Variants in AGAP1 observed in about 807,000 individuals in gnomAD.
The protein encoded by AGAP1 is arf-GAP with GTPase, ANK repeat and PH domain-containing protein 1.
In AGAP1, 29 loss-of-function variants were observed where a neutral mutation model predicts 105.3. That is an observed-to-expected ratio of 0.28 (90% CI 0.21 to 0.38). The LOEUF is 0.38. AGAP1 is among the 10% of genes least tolerant of loss of function. The pLI, the probability that AGAP1 is intolerant of heterozygous loss-of-function variation, is 1.00. For synonymous variants in AGAP1, 509 were observed against 485.9 expected (o/e 1.05, Z -0.63); for missense variants, 998 against 1,165.1 (o/e 0.86, Z 2.09).
At chr2:235,511,995 AATGC>A (rs1408261527) in intron 1 of AGAP1, among the ~76,000 whole-genome samples, 86 of 77,028 alleles carry the variant, frequency 1.1e-3, no homozygotes, top group African/African-American at 6.3e-3. Flanking sequence ...TGCGTGTGTG[AATGC>A]GTGTGTGACT....
At position 235,877,898 on chromosome 2, in the gene AGAP1, T is replaced by C. The variant is rs2049822135; in HGVS notation, c.1051-5447T>C. 6.6e-6 allele frequency among the ~76,000 whole-genome samples: 1 copy of C among 152,158 alleles called. No homozygotes were observed. Among genetic ancestry groups the C allele is most frequent in the Non-Finnish European group, 1.5e-5 (1 of 68,024 alleles). On this transcript the variant is annotated intron_variant, in intron 9 of 17. Coordinates refer to ENST00000304032, the MANE Select transcript of AGAP1 (RefSeq NM_001037131.3). The surrounding 1 kb of genome is among the most constrained non-coding windows in gnomAD (Gnocchi z 4.3). ...TCTTTTGCCAACTTAAAATTTGTCC[T>C]CGCCAGGGGAATCTTTCCTAATGCA... is the stretch of plus-strand genomic sequence containing the variant.
chr2:235,809,272 C>G (rs1462029899), intron 9 of AGAP1, among the ~76,000 whole-genome samples: 1 of 152,160 alleles, frequency 6.6e-6, no homozygotes, highest in Non-Finnish European at 1.5e-5. Context: ...AACTGACCAT[C>G]AAGCGTAAAA....
Position 235,601,025 on chromosome 2 carries a change from A to G in AGAP1, c.163+106176A>G, listed in dbSNP as rs888911691. Among the ~76,000 whole-genome samples the G allele has an allele frequency of 1.3e-5, 2 of 152,130 alleles. No individual in the cohort carries two copies. The highest frequency in any genetic ancestry group is 2.4e-5 in the African/African-American group (1 of 41,418). On this transcript the variant is annotated intron_variant, in intron 1 of 17. Transcript: ENST00000304032. This position sits in a 1 kb window ranked among gnomAD's most constrained non-coding sequence, Gnocchi z 4.4. The stretch of plus-strand genomic sequence containing the variant: ...CGCCTCTCCTCTTCTCACTGCCTTC[A>G]GTATCCAGCCAAGCTGGGAAACGCC...
intron 6 of AGAP1, among the ~76,000 whole-genome samples, chr2:235,761,676 C>T (rs1954450718): frequency 1.3e-5 from 2 of 152,118 alleles, no homozygotes; most frequent in African/African-American, 4.8e-5. Flanking sequence ...ACTTTTTGAC[C>T]TAGTTAACCC....
chr2:235,720,226 G>C lies in AGAP1; in HGVS notation c.310+2582G>C, dbSNP rs1951312006. 6.6e-6 allele frequency among the ~76,000 whole-genome samples: 1 copy of C among 152,222 alleles called. No homozygotes were observed. The highest frequency in any genetic ancestry group is 2.1e-4 in the South Asian group (1 of 4,830). ...TGCTCAGGGAGCCTGTACCTGGAAA[G>C]TGATTTCAATTTTTGTCCAGTGAGT... is the stretch of plus-strand genomic sequence containing the variant. On this transcript the variant is annotated intron_variant, in intron 3 of 17. Transcript: ENST00000304032. The surrounding 1 kb of genome is among the most constrained non-coding windows in gnomAD (Gnocchi z 5.0).
At chr2:235,822,958 T>C (rs1958878946) in intron 9 of AGAP1, among the ~76,000 whole-genome samples, 1 of 152,184 alleles carries the variant, frequency 6.6e-6, no homozygotes. Context: ...CAGATGCAAT[T>C]CAAGTGCTAC....
Position 235,888,764 on chromosome 2 carries a change from G to A in AGAP1, c.1155+5315G>A, listed in dbSNP as rs1020087000. ...AGCATTTGTTGCTGTCGGGTAGAGC[G>A]GCCACCCACTGCCCCAGCCTTCCCT... On this transcript the variant is annotated intron_variant, in intron 10 of 17. Transcript: ENST00000304032. This position sits in a 1 kb window ranked among gnomAD's most constrained non-coding sequence, Gnocchi z 4.8. Among the ~76,000 whole-genome samples, 9 of 151,774 alleles carry A rather than the reference G, an allele frequency of 5.9e-5. No homozygotes were observed. Among genetic ancestry groups the A allele is most frequent in the African/African-American group, 1.2e-4 (5 of 41,288 alleles).
intron 1 of AGAP1, among the ~76,000 whole-genome samples, chr2:235,671,433 G>C (rs1948420086): frequency 6.6e-6 from 1 of 152,206 alleles, no homozygotes; most frequent in Non-Finnish European, 1.5e-5. Flanking sequence ...AGGCTCGCCG[G>C]TCGCCGCCGC....
intron 9 of AGAP1, among the ~76,000 whole-genome samples, chr2:235,851,267 C>T (rs1033299175): frequency 2.0e-5 from 3 of 152,212 alleles, no homozygotes; most frequent in African/African-American, 7.2e-5. Flanking sequence ...CCTGGCGCTC[C>T]TGCTGCTCGG....
intron 12 of AGAP1, among the ~76,000 whole-genome samples, chr2:235,950,012 A>G (rs2053667008): frequency 6.6e-6 from 1 of 151,972 alleles, no homozygotes; most frequent in Admixed American, 6.5e-5. Context: ...GACACCAAAA[A>G]TAGCAATGAA....
In AGAP1 at chr2:235,662,431, G is replaced by A. The variant is rs1947988519; in HGVS notation, c.164-46748G>A. On this transcript the variant is annotated intron_variant, in intron 1 of 17. Coordinates refer to ENST00000304032, the MANE Select transcript of AGAP1 (RefSeq NM_001037131.3). The surrounding 1 kb of genome is among the most constrained non-coding windows in gnomAD (Gnocchi z 4.2). ...TCCATGGAGGGGAGGACTCACAGCA[G>A]TTTTGAAGTAATGTAGATTGTGTGG... Among the ~76,000 whole-genome samples, 1 of 151,936 alleles carries A rather than the reference G, an allele frequency of 6.6e-6. No homozygotes were observed.
At chr2:235,544,235 C>A (rs1173437230) in intron 1 of AGAP1, among the ~76,000 whole-genome samples, 2 of 152,192 alleles carry the variant, frequency 1.3e-5, no homozygotes, top group Admixed American at 1.3e-4. Context: ...CTCTTCCTGT[C>A]CAGTGGTCCA....
chr2:235,543,883 G>C (rs955255165), intron 1 of AGAP1, among the ~76,000 whole-genome samples: 1 of 152,164 alleles, frequency 6.6e-6, no homozygotes, highest in South Asian at 2.1e-4. Context: ...GCATAGACCT[G>C]TCAGGGAATC....
chr2:235,498,208 G>C (rs1393222843), intron 1 of AGAP1, among the ~76,000 whole-genome samples: 1 of 152,224 alleles, frequency 6.6e-6, no homozygotes, highest in East Asian at 1.9e-4. Flanking sequence ...ATGGGATACA[G>C]GTGATTTTGC....
intron 9 of AGAP1, among the ~76,000 whole-genome samples, chr2:235,816,503 G>A (rs1958468066): frequency 1.3e-5 from 2 of 151,116 alleles, no homozygotes; most frequent in African/African-American, 4.9e-5. Context: ...AGACTTAGGA[G>A]GCCTTTCACC....
intron 1 of AGAP1, among the ~76,000 whole-genome samples, chr2:235,646,270 CAAAA>C (rs3056061): frequency 1.8e-5 from 2 of 112,986 alleles, no homozygotes; most frequent in African/African-American, 3.6e-5. Flanking sequence ...ACTCTGTCTC[CAAAA>C]AAAAAAAAAA....
At chr2:235,685,937 CCACT>C (rs999842514) in intron 1 of AGAP1, among the ~76,000 whole-genome samples, 3 of 152,090 alleles carry the variant, frequency 2.0e-5, no homozygotes, top group African/African-American at 7.2e-5. Context: ...AAAGGCAGGA[CCACT>C]CAAAGTGGGG....
intron 13 of AGAP1, among the ~76,000 whole-genome samples, chr2:236,004,516 G>T (rs1226093874): frequency 2.0e-5 from 3 of 152,224 alleles, no homozygotes; most frequent in Non-Finnish European, 4.4e-5. Context: ...TTCTGCGTCT[G>T]TGTGGAAACA....
Position 235,608,502 on chromosome 2 carries a change from C to A in AGAP1, c.164-100677C>A, listed in dbSNP as rs775760699. Among the ~76,000 whole-genome samples, 7 of 152,122 alleles carry A rather than the reference C, an allele frequency of 4.6e-5. No individual in the cohort carries two copies. Among genetic ancestry groups the A allele is most frequent in the Non-Finnish European group, 8.8e-5 (6 of 68,028 alleles). On this transcript the variant is annotated intron_variant, in intron 1 of 17. Coordinates refer to ENST00000304032, the MANE Select transcript of AGAP1 (RefSeq NM_001037131.3). The surrounding 1 kb of genome is among the most constrained non-coding windows in gnomAD (Gnocchi z 5.4). ...GCCCTGGGTCCCATGTTGGCAGCCT[C>A]CCTGGCCCAGCGTTGGGCTGGGACC...
Sources: allele counts gnomAD v4.1 joint callset (sites outside exome capture counted in the v4.1 genomes callset), GRCh38; gene constraint gnomAD v4.1.1; non-coding constraint Gnocchi (gnomAD v3.1); transcripts MANE v1.5; gene names NCBI Gene and HGNC (gene_info 2026-07-23, HGNC 2026-07-21).